Variants in RASGEF1A observed in about 807,000 individuals in gnomAD.
RASGEF1A encodes the protein RasGEF domain family member 1A.
RASGEF1A carries 18 observed loss-of-function variants against 56.4 expected under a neutral mutation model. That is an observed-to-expected ratio of 0.32 (90% confidence interval 0.22 to 0.47). RASGEF1A has a LOEUF of 0.47. Among genes scored for constraint, RASGEF1A ranks in the 20% least tolerant of loss-of-function variants. The pLI, the probability that RASGEF1A is intolerant of heterozygous loss-of-function variation, is 1.00. For synonymous variants in RASGEF1A, 245 were observed against 242.6 expected, an observed-to-expected ratio of 1.01 and a Z score of -0.09; for missense variants, 422 against 627.1, an observed-to-expected ratio of 0.67 and a Z score of 3.49.
Position 43,251,810 on chromosome 10 carries a change from C to A in RASGEF1A, c.-7+15035G>T, listed in dbSNP as rs527774557. ...CTCCAGGACTGTGAGGGGGACCAGG[C>A]CTTCGTCTGGCCCAGCACTGGTGTG... On this transcript the variant is annotated intron_variant, in intron 1 of 12. Coordinates refer to ENST00000395810, the MANE Select transcript of RASGEF1A (RefSeq NM_145313.4). Among the ~76,000 whole-genome samples, 13 of 152,358 alleles carry A rather than the reference C, an allele frequency of 8.5e-5. No homozygotes were observed. In the South Asian group the frequency reaches 2.5e-3, roughly 29 times the overall value.
At chr10:43,249,615 C>A (rs1039007758) in intron 1 of RASGEF1A, among the ~76,000 whole-genome samples, 1 of 152,228 alleles carries the variant, frequency 6.6e-6, no homozygotes, top group African/African-American at 2.4e-5. Flanking sequence ...CAAGATGGGA[C>A]TGAAATGTCA....
intron 1 of RASGEF1A, among the ~76,000 whole-genome samples, chr10:43,217,474 G>T (rs757002091): frequency 6.6e-6 from 1 of 152,238 alleles, no homozygotes; most frequent in Non-Finnish European, 1.5e-5. Flanking sequence ...CAGCTCTGTG[G>T]AAGAAGGCTG....
At chr10:43,200,597 G>T in intron 5 of RASGEF1A, 70 bp downstream of exon 5, 2 of 1,372,328 alleles carry the variant, frequency 1.5e-6, no homozygotes, top group Non-Finnish European at 1.0e-6. Flanking sequence ...GGGGCCTGAA[G>T]TGCTGTGCTG....
At position 43,196,348 on chromosome 10, in the gene RASGEF1A, C is replaced by T. The variant is rs550696851; in HGVS notation, c.1422-80G>A. 6 of 1,583,308 alleles carry T rather than the reference C, an allele frequency of 3.8e-6. No homozygotes were observed. The highest frequency in any genetic ancestry group is 1.3e-5 in the African/African-American group (1 of 74,246). ...AAGCCATCCTCAGCCTCCCACCAAACATGCACCAGGGACCCTGGACCAGGG... is the reference window on the plus strand; with the variant it reads ...AAGCCATCCTCAGCCTCCCACCAAATATGCACCAGGGACCCTGGACCAGGG... On this transcript the variant is annotated intron_variant, in intron 12 of 12. Transcript: ENST00000395810. The surrounding 1 kb of genome is among the most constrained non-coding windows in gnomAD (Gnocchi z 4.6).
At chr10:43,227,166 G>C (rs1452014890) in intron 1 of RASGEF1A, among the ~76,000 whole-genome samples, 2 of 152,158 alleles carry the variant, frequency 1.3e-5, no homozygotes, top group Non-Finnish European at 2.9e-5. Context: ...TTCCCTGGAG[G>C]GCGAGGTCCA....
chr10:43,258,203 G>A (rs1361386461), intron 1 of RASGEF1A, among the ~76,000 whole-genome samples: 1 of 152,228 alleles, frequency 6.6e-6, no homozygotes, highest in East Asian at 1.9e-4. Context: ...AGATAGGGAG[G>A]CGCAGTTTCG....
At chr10:43,199,906 G>T in intron 6 of RASGEF1A, 138 bp from the exon 7 acceptor site, 3 of 785,896 alleles carry the variant, frequency 3.8e-6, no homozygotes, top group Non-Finnish European at 4.2e-6. Context: ...GCTCCTTGCT[G>T]CCCAGTGCAG....
intron 1 of RASGEF1A, among the ~76,000 whole-genome samples, chr10:43,239,388 T>C (rs1248099203): frequency 6.6e-6 from 1 of 152,040 alleles, no homozygotes; most frequent in Non-Finnish European, 1.5e-5. Flanking sequence ...GTAGTGAAAA[T>C]GGTGGAGTAA....
intron 1 of RASGEF1A, among the ~76,000 whole-genome samples, chr10:43,254,812 C>T (rs2503853): frequency 0.19 from 29,503 of 152,076 alleles, 3,300 homozygotes; most frequent in East Asian, 0.53. Flanking sequence ...CAGAATAATC[C>T]CTGACTAAAG....
At position 43,236,300 on chromosome 10, in the gene RASGEF1A, C is replaced by T. The variant is rs76598547; in HGVS notation, c.-6-30178G>A. On this transcript the variant is annotated intron_variant, in intron 1 of 12. Coordinates refer to ENST00000395810, the MANE Select transcript of RASGEF1A (RefSeq NM_145313.4). ...GCAGCAGGCATCGTCTAGGGCACCG[C>T]GCATCCATGTGTGTTTGTGTGACCT... Among the ~76,000 whole-genome samples the T allele has an allele frequency of 5.8e-3, 885 of 152,366 alleles. 9 individuals carry two copies. The highest frequency in any genetic ancestry group is 0.02 in the African/African-American group (830 of 41,578).
intron 5 of RASGEF1A, 98 bp downstream of exon 5, chr10:43,200,569 G>A: frequency 9.1e-7 from 1 of 1,096,062 alleles, no homozygotes; most frequent in South Asian, 1.5e-5. Flanking sequence ...CTTCCCTGAT[G>A]GCTCAGTGTG....
chr10:43,248,761 T>TC (rs1337702844), intron 1 of RASGEF1A, among the ~76,000 whole-genome samples: 1 of 152,240 alleles, frequency 6.6e-6, no homozygotes, highest in African/African-American at 2.4e-5. Context: ...GTAATGGTAT[T>TC]CATTCATCCA....
chr10:43,227,946 C>T (rs563191704), intron 1 of RASGEF1A, among the ~76,000 whole-genome samples: 17 of 152,134 alleles, frequency 1.1e-4, no homozygotes, highest in Non-Finnish European at 2.5e-4. Context: ...TCTGCCATCT[C>T]CCAAGGCTGG....
chr10:43,207,642 G>C, intron 1 of RASGEF1A: 3 of 985,534 alleles, frequency 3.0e-6, no homozygotes, highest in Non-Finnish European at 2.4e-6. Context: ...CCCACTCCAG[G>C]ACAGGGAGGT....
chr10:43,243,315 T>C (rs1182307695), intron 1 of RASGEF1A, among the ~76,000 whole-genome samples: 4 of 150,544 alleles, frequency 2.7e-5, no homozygotes, highest in African/African-American at 9.8e-5. Context: ...GTCTGGGAAG[T>C]GAGGAGCGCC....
At chr10:43,215,107 C>T (rs1019968057) in intron 1 of RASGEF1A, among the ~76,000 whole-genome samples, 5 of 152,150 alleles carry the variant, frequency 3.3e-5, no homozygotes, top group South Asian at 2.1e-4. Flanking sequence ...GCAGATGATT[C>T]GGGGGACCGA....
In RASGEF1A at chr10:43,198,208, G is replaced by C; in HGVS notation, c.1033-13C>G. 1 of 1,600,146 alleles carries C rather than the reference G, an allele frequency of 6.2e-7. No homozygotes were observed. Among genetic ancestry groups the C allele is most frequent in the Non-Finnish European group, 8.5e-7 (1 of 1,169,790 alleles). ...GGTCCATGTGATGCTGTGGGCACAG[G>C]GAGGACCTGGTGAGCATCACAGCCC... On this transcript the variant is annotated splice_polypyrimidine_tract_variant and intron_variant, in intron 9 of 12. Coordinates refer to ENST00000395810, the MANE Select transcript of RASGEF1A (RefSeq NM_145313.4).
At chr10:43,224,140 G>A (rs924434607) in intron 1 of RASGEF1A, among the ~76,000 whole-genome samples, 1 of 152,072 alleles carries the variant, frequency 6.6e-6, no homozygotes, top group Non-Finnish European at 1.5e-5. Flanking sequence ...GAAAGCCCTG[G>A]CTGAAATAGT....
chr10:43,219,797 T>A (rs759901042), intron 1 of RASGEF1A, among the ~76,000 whole-genome samples: 1 of 152,222 alleles, frequency 6.6e-6, no homozygotes, highest in Non-Finnish European at 1.5e-5. Flanking sequence ...AAAAGACATA[T>A]GGTTCTTTTA....
Sources: allele counts gnomAD v4.1 joint callset (sites outside exome capture counted in the v4.1 genomes callset), GRCh38; gene constraint gnomAD v4.1.1; non-coding constraint Gnocchi (gnomAD v3.1); transcripts MANE v1.5; gene names NCBI Gene and HGNC (gene_info 2026-07-23, HGNC 2026-07-21).